The following DOCK10 variants were observed in gnomAD, a reference collection of about 807,000 sequenced individuals.
DOCK10 encodes the protein dedicator of cytokinesis 10.
In DOCK10, 145 loss-of-function variants were observed where a neutral mutation model predicts 280.1. The observed-to-expected ratio is 0.52, with a 90% confidence interval of 0.45 to 0.59. The LOEUF (loss-of-function observed/expected upper bound fraction) is 0.59. Ranked by LOEUF, DOCK10 falls within the 20% of genes least tolerant of loss-of-function variation. The probability of loss-of-function intolerance (pLI) is 0.00; values close to 1 mark genes in which losing one functional copy is unlikely to be tolerated. For synonymous variants in DOCK10, 915 were observed against 942.2 expected, an observed-to-expected ratio of 0.97 and a Z score of 0.53; for missense variants, 2,368 against 2,651.7, an observed-to-expected ratio of 0.89 and a Z score of 2.35.
intron 13 of DOCK10, among the ~76,000 whole-genome samples, chr2:224,864,311 C>G (rs1424953015): frequency 6.6e-6 from 1 of 152,126 alleles, no homozygotes; most frequent in Non-Finnish European, 1.5e-5. Context: ...AGTTCGAGAC[C>G]AGCCTGGTCA....
chr2:225,029,602 T>G (rs1690021407), intron 1 of DOCK10, among the ~76,000 whole-genome samples: 1 of 152,210 alleles, frequency 6.6e-6, no homozygotes, highest in East Asian at 1.9e-4. Context: ...TATACAGAAA[T>G]GCCAGCAGAA....
At chr2:224,844,663 A>T (rs1696209876) in intron 22 of DOCK10, 90 bp downstream of exon 22, 1 of 847,852 alleles carries the variant, frequency 1.2e-6, no homozygotes, top group East Asian at 2.7e-5. Context: ...ACACTTCATG[A>T]AATGATTAGT....
At chr2:224,839,140 G>A (rs1352071662) in intron 24 of DOCK10, among the ~76,000 whole-genome samples, 3 of 151,520 alleles carry the variant, frequency 2.0e-5, no homozygotes, top group East Asian at 3.9e-4. Context: ...GTGCAGTGGT[G>A]CAATCTCAGC....
chr2:224,874,696 T>C lies in DOCK10; in HGVS notation c.987A>G (p.Ser329=), dbSNP rs768934131. Residue 329 remains serine, a synonymous_variant, in exon 9 of 56, where the codon TCA becomes TCG. Coordinates refer to ENST00000258390, the MANE Select transcript of DOCK10 (RefSeq NM_014689.3). ...CAAAGTCTGCGTGTAGGTTGTTCTCTGAAGAATCTGTTTCCTCTGGCGTGC... is the reference window on the plus strand; with the variant it reads ...CAAAGTCTGCGTGTAGGTTGTTCTCCGAAGAATCTGTTTCCTCTGGCGTGC... The part of the protein sequence containing the change: ...CECTPEETDS[S]ENNLHADFAK... 1 of 1,613,988 alleles carries C rather than the reference T, an allele frequency of 6.2e-7. No homozygotes were observed. The highest frequency in any genetic ancestry group is 1.1e-5 in the South Asian group (1 of 91,086).
chr2:224,968,266 A>C (rs369776661), intron 1 of DOCK10, among the ~76,000 whole-genome samples: 3 of 152,348 alleles, frequency 2.0e-5, no homozygotes, highest in African/African-American at 7.2e-5. Context: ...TATTTTAAAA[A>C]GAGCGCCAGA....
chr2:224,960,628 T>A (rs1704309102), intron 1 of DOCK10, among the ~76,000 whole-genome samples: 1 of 152,130 alleles, frequency 6.6e-6, no homozygotes, highest in African/African-American at 2.4e-5. Flanking sequence ...TTATCATGAT[T>A]TTACTAACAT....
chr2:224,857,649 T>C (rs1228247985), intron 14 of DOCK10, among the ~76,000 whole-genome samples: 1 of 152,170 alleles, frequency 6.6e-6, no homozygotes, highest in Non-Finnish European at 1.5e-5. Flanking sequence ...CCAAATAATA[T>C]AGTAATGTCA....
intron 1 of DOCK10, among the ~76,000 whole-genome samples, chr2:225,019,344 G>C (rs1182974505): frequency 6.6e-6 from 1 of 151,988 alleles, no homozygotes; most frequent in East Asian, 1.9e-4. Context: ...ACATGGTCTG[G>C]GTTTCCAAGA....
At chr2:224,915,647 T>C (rs1384323059) in intron 3 of DOCK10, among the ~76,000 whole-genome samples, 3 of 152,326 alleles carry the variant, frequency 2.0e-5, no homozygotes, top group Non-Finnish European at 4.4e-5. Flanking sequence ...GAATTCCTAG[T>C]TGGGACACAC....
Position 224,802,028 on chromosome 2 carries a change from A to C in DOCK10, c.4281T>G (p.Thr1427=). ...GCTGCTTATGGCCTTCATGACTGGA[A>C]GTGGAGTGCATCCTGAAAACAAAAA... The part of the protein sequence containing the change: ...SGLLSQWMHS[T]SSHEGHKQHR... Residue 1427 remains threonine, a synonymous_variant, in exon 40 of 56, where the codon ACT becomes ACG. Coordinates refer to ENST00000258390, the MANE Select transcript of DOCK10 (RefSeq NM_014689.3). The C allele has an allele frequency of 6.2e-7, 1 of 1,612,578 alleles. No homozygotes were observed. Among genetic ancestry groups the C allele is most frequent in the Non-Finnish European group, 8.5e-7 (1 of 1,179,176 alleles).
intron 1 of DOCK10, among the ~76,000 whole-genome samples, chr2:225,013,842 T>C (rs1689510762): frequency 6.6e-6 from 1 of 152,020 alleles, no homozygotes; most frequent in Admixed American, 6.6e-5. Context: ...AGAAAATCCA[T>C]CATGGGCTCT....
intron 1 of DOCK10, among the ~76,000 whole-genome samples, chr2:225,004,366 C>A (rs1230139925): frequency 2.0e-5 from 3 of 152,230 alleles, no homozygotes; most frequent in Admixed American, 1.3e-4. Context: ...CTTGGAGCCA[C>A]CAGAAACTGG....
chr2:224,803,874 G>A (rs1214385862), intron 39 of DOCK10, among the ~76,000 whole-genome samples: 3 of 152,024 alleles, frequency 2.0e-5, no homozygotes, highest in Non-Finnish European at 4.4e-5. Context: ...CACATATATG[G>A]TGTACTCCTT....
rs750561653 is a variant in DOCK10, at chr2:224,834,202, A to G, written c.2912T>C (p.Val971Ala). Reference protein sequence around the residue: ...RTVHEELAKNVTGLLKSNDST... With the variant: ...RTVHEELAKNATGLLKSNDST... ...GTCATTTGATTTCAAAAGACCAGTC[A>G]CATTTTTAGCCAGTTCCTCATGTAC... is the stretch of plus-strand genomic sequence containing the variant. Residue 971 changes from valine (V) to alanine (A), a missense_variant, in exon 26 of 56, where the codon GTG becomes GCG. Transcript: ENST00000258390. 1 of 1,613,766 alleles carries G rather than the reference A, an allele frequency of 6.2e-7. No homozygotes were observed. Among genetic ancestry groups the G allele is most frequent in the Non-Finnish European group, 8.5e-7 (1 of 1,179,692 alleles).
chr2:224,924,729 C>T (rs1701962304), intron 2 of DOCK10, among the ~76,000 whole-genome samples: 1 of 152,344 alleles, frequency 6.6e-6, no homozygotes, highest in South Asian at 2.1e-4. Flanking sequence ...AGGGTCTCCA[C>T]ACACATTCTT....
rs1705026778 is a variant in DOCK10, at chr2:224,970,576, G to A, written c.124-38908C>T. ...TAGAATTCTATAAACCCTTCAATCC[G>A]AAGAGATTACAACAAAGTGATTTTC... is the stretch of plus-strand genomic sequence containing the variant. On this transcript the variant is annotated intron_variant, in intron 1 of 55. Coordinates refer to ENST00000258390, the MANE Select transcript of DOCK10 (RefSeq NM_014689.3). The surrounding 1 kb of genome is among the most constrained non-coding windows in gnomAD (Gnocchi z 4.6). 6.6e-6 allele frequency among the ~76,000 whole-genome samples: 1 copy of A among 152,128 alleles called. No individual in the cohort carries two copies. The highest frequency in any genetic ancestry group is 2.4e-5 in the African/African-American group (1 of 41,408).
Position 225,042,467 on chromosome 2 carries a change from G to T in DOCK10, c.-93C>A. 4 of 1,210,554 alleles carry T rather than the reference G, an allele frequency of 3.3e-6. No homozygotes were observed. The highest frequency in any genetic ancestry group is 4.1e-6 in the Non-Finnish European group (4 of 970,686). The allele number at this position is 1,210,554 out of a possible 1,614,324, so 75.0% of individuals were successfully genotyped here. ...TCTCTATCCACCCGCCGTTCAGGAAGCGGAACTCGGAGCCTTCCCCCCCCT... is the reference window on the plus strand; with the variant it reads ...TCTCTATCCACCCGCCGTTCAGGAATCGGAACTCGGAGCCTTCCCCCCCCT... On this transcript the variant is annotated 5_prime_UTR_variant, in exon 1 of 56. Transcript: ENST00000258390. The surrounding 1 kb of genome is among the most constrained non-coding windows in gnomAD (Gnocchi z 5.1).
chr2:224,947,146 A>G (rs1216097649), intron 1 of DOCK10: 1 of 946,982 alleles, frequency 1.1e-6, no homozygotes, highest in Non-Finnish European at 1.4e-6. Context: ...ACTAACTACC[A>G]GCTGTTCAGA....
intron 1 of DOCK10, among the ~76,000 whole-genome samples, chr2:224,964,976 C>T (rs1224488483): frequency 6.6e-6 from 1 of 152,202 alleles, no homozygotes; most frequent in Admixed American, 6.5e-5. Context: ...CCGCAGCAAA[C>T]ATACTTCTCT....
Sources: gnomAD v4.1 joint callset for allele counts (sites outside exome capture counted in the v4.1 genomes callset) on GRCh38, gnomAD v4.1.1 for gene constraint, Gnocchi (gnomAD v3.1) non-coding constraint, MANE v1.5 for transcripts, NCBI Gene and HGNC (gene_info 2026-07-23, HGNC 2026-07-21) for gene names.